The following PCNX1 variants were observed in gnomAD, a reference collection of about 807,000 sequenced individuals.
The protein encoded by PCNX1 is pecanex 1, also known as pecanex-like protein 1.
PCNX1 carries 78 observed loss-of-function variants against 242.2 expected under a neutral mutation model. The observed-to-expected ratio is 0.32, with a 90% CI of 0.27 to 0.39. The LOEUF (loss-of-function observed/expected upper bound fraction) is 0.39. Ranked by LOEUF, PCNX1 falls within the 10% of genes least tolerant of loss-of-function variation. PCNX1 has a pLI of 1.00. For missense variants in PCNX1, 2,581 were observed against 2,856.5 expected, an observed-to-expected ratio of 0.90 and a Z score of 2.20; for synonymous variants, 1,024 against 1,032.9, an observed-to-expected ratio of 0.99 and a Z score of 0.17.
intron 7 of PCNX1, among the ~76,000 whole-genome samples, chr14:70,989,610 A>G (rs1306821245): frequency 6.1e-5 from 9 of 148,692 alleles, no homozygotes; most frequent in Non-Finnish European, 1.0e-4. Flanking sequence ...GCTCACTGCA[A>G]CCTCCGCCTC....
chr14:71,051,877 C>T lies in PCNX1; in HGVS notation c.4448-6C>T. The T allele has an allele frequency of 6.2e-7, 1 of 1,610,398 alleles. No homozygotes were observed. Among genetic ancestry groups the T allele is most frequent in the Non-Finnish European group, 8.5e-7 (1 of 1,178,800 alleles). ...ATGTCAGTGTCCTTAACTAGTTTTC[C>T]CATAGATTCAGCCATGCTGTTTATT... On this transcript the variant is annotated splice_region_variant and splice_polypyrimidine_tract_variant and intron_variant, in intron 23 of 35. Transcript: ENST00000304743.
At chr14:71,004,899 T>C (rs1355038873) in intron 8 of PCNX1, among the ~76,000 whole-genome samples, 6 of 152,172 alleles carry the variant, frequency 3.9e-5, no homozygotes, top group Non-Finnish European at 8.8e-5. Context: ...CCAAATGTCT[T>C]TTAAAAACTC....
At chr14:71,024,535 T>C (rs2060189162) in intron 13 of PCNX1, among the ~76,000 whole-genome samples, 1 of 152,176 alleles carries the variant, frequency 6.6e-6, no homozygotes, top group Non-Finnish European at 1.5e-5. Context: ...TCACCCTGTC[T>C]TATGGTGCTG....
chr14:71,002,214 A>G (rs2059526041), intron 8 of PCNX1, among the ~76,000 whole-genome samples: 1 of 152,144 alleles, frequency 6.6e-6, no homozygotes, highest in African/African-American at 2.4e-5. Context: ...ATGAGTAATA[A>G]TTTTTAAATG....
intron 1 of PCNX1, among the ~76,000 whole-genome samples, chr14:70,934,638 T>C (rs1036876769): frequency 7.9e-5 from 12 of 152,046 alleles, no homozygotes; most frequent in African/African-American, 2.7e-4. Context: ...AATATTCACA[T>C]TGAAATTACA....
intron 9 of PCNX1, among the ~76,000 whole-genome samples, chr14:71,010,904 C>CG (rs1429750316): frequency 1.3e-5 from 2 of 152,044 alleles, no homozygotes; most frequent in African/African-American, 4.8e-5. Flanking sequence ...CTCCTTTGGT[C>CG]TAGTTTCAGA....
chr14:71,065,225 A>G (rs938499308), intron 26 of PCNX1, among the ~76,000 whole-genome samples: 1 of 152,024 alleles, frequency 6.6e-6, no homozygotes, highest in African/African-American at 2.4e-5. Flanking sequence ...ACTAATTTAC[A>G]CTCCCACCAA....
chr14:71,098,547 T>A (rs201187695), intron 30 of PCNX1, among the ~76,000 whole-genome samples: 1,270 of 126,018 alleles, frequency 0.01, 5 homozygotes, highest in East Asian at 0.026. Context: ...TGTGTGTGTG[T>A]GTGTGTGAGA....
chr14:70,911,358 A>C (rs2055898483), intron 1 of PCNX1, among the ~76,000 whole-genome samples: 1 of 152,194 alleles, frequency 6.6e-6, no homozygotes, highest in Admixed American at 6.5e-5. Context: ...TATAGGATTC[A>C]AACACTTTTG....
At chr14:70,973,680 A>G (rs528353468) in intron 5 of PCNX1, among the ~76,000 whole-genome samples, 1 of 152,286 alleles carries the variant, frequency 6.6e-6, no homozygotes, top group African/African-American at 2.4e-5. Context: ...ACATGTTTGT[A>G]TAATTGATTA....
chr14:70,960,657 T>C (rs6573993), intron 2 of PCNX1, among the ~76,000 whole-genome samples: 106,399 of 151,358 alleles, frequency 0.7, 37,400 homozygotes, highest in South Asian at 0.77. Context: ...GTTGGAAGTT[T>C]TGGCCAGGGC....
At chr14:70,939,123 C>G (rs1485846468) in intron 1 of PCNX1, among the ~76,000 whole-genome samples, 3 of 152,112 alleles carry the variant, frequency 2.0e-5, no homozygotes, top group Non-Finnish European at 2.9e-5. Context: ...TTTTGTGTCT[C>G]TGTCTCATTC....
At chr14:70,918,151 A>G (rs1325456069) in intron 1 of PCNX1, among the ~76,000 whole-genome samples, 2 of 152,200 alleles carry the variant, frequency 1.3e-5, no homozygotes, top group East Asian at 1.9e-4. Flanking sequence ...AACTTTCTCC[A>G]TATCAGCAAT....
intron 35 of PCNX1, 47 bp from the exon 36 acceptor site, chr14:71,109,748 A>G: frequency 6.2e-7 from 1 of 1,604,616 alleles, no homozygotes; most frequent in Non-Finnish European, 8.5e-7. Flanking sequence ...TTGTGAGTAT[A>G]TTCCAGGTCT....
intron 6 of PCNX1, among the ~76,000 whole-genome samples, chr14:70,983,709 G>A (rs2058914172): frequency 1.3e-5 from 2 of 151,504 alleles, no homozygotes; most frequent in South Asian, 4.2e-4. Flanking sequence ...ATTCAGAATT[G>A]ATGCTTAGAA....
intron 30 of PCNX1, among the ~76,000 whole-genome samples, chr14:71,097,955 AT>A (rs1343854170): frequency 6.6e-6 from 1 of 152,142 alleles, no homozygotes; most frequent in Non-Finnish European, 1.5e-5. Context: ...TTGAGTTAAT[AT>A]TTGTATATGG....
rs1246933574 is a variant in PCNX1, at chr14:71,047,878, A to C, written c.4232A>C (p.Gln1411Pro). ...TCCTCTTTTAGCAGCCCTACATATC[A>C]GTATGTTACAGTCATCTTTACTGTG... is the stretch of plus-strand genomic sequence containing the variant. ...LRSSFSSPTY[Q>P]YVTVIFTVLF... The change falls in exon 22 of 36, where the codon CAG becomes CCG. Residue 1411 changes from glutamine (Q) to proline (P), a missense_variant. Coordinates refer to ENST00000304743, the MANE Select transcript of PCNX1 (RefSeq NM_014982.3). The C allele has an allele frequency of 6.2e-7, 1 of 1,613,194 alleles. No individual in the cohort carries two copies. Among genetic ancestry groups the C allele is most frequent in the Non-Finnish European group, 8.5e-7 (1 of 1,179,330 alleles).
chr14:70,936,284 C>G (rs2057000773), intron 1 of PCNX1, among the ~76,000 whole-genome samples: 1 of 133,506 alleles, frequency 7.5e-6, no homozygotes, highest in South Asian at 3.0e-4. Flanking sequence ...TCCTCCCTCC[C>G]CCCACCCCAC....
chr14:71,005,298 A>G (rs1384818823), intron 8 of PCNX1, among the ~76,000 whole-genome samples: 3 of 152,094 alleles, frequency 2.0e-5, no homozygotes, highest in Non-Finnish European at 2.9e-5. Flanking sequence ...AGGCCCAGGA[A>G]TTCGAGACCA....
Sources: allele counts gnomAD v4.1 joint callset (sites outside exome capture counted in the v4.1 genomes callset), GRCh38; gene constraint gnomAD v4.1.1; transcripts MANE v1.5; gene names NCBI Gene and HGNC (gene_info 2026-07-23, HGNC 2026-07-21).